Variants in LRFN5 observed in about 807,000 individuals in gnomAD.
The protein encoded by LRFN5 is leucine-rich repeat and fibronectin type-III domain-containing protein 5.
LRFN5 carries 24 observed loss-of-function variants against 45.6 expected under a neutral mutation model. The observed-to-expected ratio is 0.53, with a 90% CI of 0.38 to 0.74. The LOEUF is 0.74. LRFN5 is among the 30% of genes least tolerant of loss of function. LRFN5 has a pLI of 0.00. For missense variants in LRFN5, 776 were observed against 861.5 expected (o/e 0.90, Z 1.24); for synonymous variants, 340 against 313.8 (o/e 1.08, Z -0.88).
chr14:41,645,981 TATTTC>T (rs1206482143), intron 1 of LRFN5, among the ~76,000 whole-genome samples: 1 of 152,202 alleles, frequency 6.6e-6, no homozygotes, highest in Admixed American at 6.5e-5. Flanking sequence ...TATTTTATTT[TATTTC>T]ATGTTTTAGT....
At chr14:41,815,545 T>C (rs756417526) in intron 2 of LRFN5, among the ~76,000 whole-genome samples, 12 of 152,034 alleles carry the variant, frequency 7.9e-5, no homozygotes, top group Admixed American at 3.3e-4. Context: ...TGAGAGCGGT[T>C]GGGCAACATA....
intron 4 of LRFN5, chr14:41,893,350 C>A: frequency 1.1e-6 from 1 of 939,968 alleles, no homozygotes; most frequent in Non-Finnish European, 1.2e-6. Flanking sequence ...TGATGGTGTT[C>A]TATTAAAGAT....
chr14:41,654,354 T>C (rs927663057), intron 1 of LRFN5, among the ~76,000 whole-genome samples: 1 of 151,988 alleles, frequency 6.6e-6, no homozygotes, highest in African/African-American at 2.4e-5. Flanking sequence ...AGAGAAGAGT[T>C]CCAGGCAAGA....
At chr14:41,763,191 C>G (rs1885740965) in intron 1 of LRFN5, among the ~76,000 whole-genome samples, 1 of 152,110 alleles carries the variant, frequency 6.6e-6, no homozygotes, top group Admixed American at 6.5e-5. Context: ...TACATTGTAT[C>G]TTGAAATAAT....
intron 1 of LRFN5, among the ~76,000 whole-genome samples, chr14:41,743,750 T>C (rs972483359): frequency 2.0e-5 from 3 of 152,224 alleles, no homozygotes; most frequent in Non-Finnish European, 4.4e-5. Flanking sequence ...ATTGGCTCTC[T>C]GTACAGTGTA....
rs762030966 is a variant in LRFN5, at chr14:41,891,411, G to A, written c.1547G>A (p.Arg516His). The A allele has an allele frequency of 8.7e-6, 14 of 1,614,050 alleles. No individual in the cohort carries two copies. Among genetic ancestry groups the A allele is most frequent in the East Asian group, 2.2e-5 (1 of 44,858 alleles). ...IQFTTEQDYV[R>H]CHFMQSQFLG... is the part of the protein sequence containing the mutation. ...TTTACTACGGAACAGGATTATGTGC[G>A]TTGCCATTTCATGCAGTCTCAGTTT... Residue 516 changes from arginine (R) to histidine (H), a missense_variant, in exon 4 of 6, where the codon CGT (arginine) becomes CAT (histidine). Coordinates refer to ENST00000298119, the MANE Select transcript of LRFN5 (RefSeq NM_152447.5).
At chr14:41,815,868 A>G (rs962657585) in intron 2 of LRFN5, among the ~76,000 whole-genome samples, 17 of 152,298 alleles carry the variant, frequency 1.1e-4, no homozygotes, top group African/African-American at 3.8e-4. Context: ...TCTAATGGTT[A>G]CATGTAGATC....
At chr14:41,780,224 T>C (rs1042132185) in intron 2 of LRFN5, among the ~76,000 whole-genome samples, 8 of 152,002 alleles carry the variant, frequency 5.3e-5, no homozygotes, top group Non-Finnish European at 1.0e-4. Context: ...AATGTTTTGA[T>C]ATTTTCAAGC....
At chr14:41,800,178 T>C (rs1887277022) in intron 2 of LRFN5, among the ~76,000 whole-genome samples, 1 of 152,102 alleles carries the variant, frequency 6.6e-6, no homozygotes, top group Non-Finnish European at 1.5e-5. Context: ...TCACATCCTA[T>C]AATTATTTGT....
intron 1 of LRFN5, among the ~76,000 whole-genome samples, chr14:41,675,540 C>G (rs910089224): frequency 2.6e-5 from 4 of 152,030 alleles, no homozygotes; most frequent in Non-Finnish European, 4.4e-5. Flanking sequence ...TGCAGTGAGC[C>G]GAGATGGCAG....
At chr14:41,790,593 G>A (rs77325531) in intron 2 of LRFN5, among the ~76,000 whole-genome samples, 5 of 148,446 alleles carry the variant, frequency 3.4e-5, no homozygotes, top group African/African-American at 1.2e-4. Flanking sequence ...TTTTTTTAAG[G>A]GCTGATTTAG....
chr14:41,693,100 A>G (rs1349962467), intron 1 of LRFN5, among the ~76,000 whole-genome samples: 1 of 152,068 alleles, frequency 6.6e-6, no homozygotes, highest in Non-Finnish European at 1.5e-5. Flanking sequence ...GAATTTTTAT[A>G]TTCTTATTCA....
intron 2 of LRFN5, among the ~76,000 whole-genome samples, chr14:41,854,893 TA>T (rs1889399375): frequency 6.6e-6 from 1 of 152,204 alleles, no homozygotes; most frequent in South Asian, 2.1e-4. Context: ...AAAAGCTTCA[TA>T]AATAGTATGC....
intron 2 of LRFN5, among the ~76,000 whole-genome samples, chr14:41,782,479 T>A (rs555061748): frequency 6.6e-6 from 1 of 152,304 alleles, no homozygotes; most frequent in South Asian, 2.1e-4. Flanking sequence ...CATAGTTATT[T>A]TAAATTCCCT....
Position 41,797,789 on chromosome 14 carries a change from A to T in LRFN5, c.-21+30760A>T, listed in dbSNP as rs138608351. On this transcript the variant is annotated intron_variant, in intron 2 of 5. Coordinates refer to ENST00000298119, the MANE Select transcript of LRFN5 (RefSeq NM_152447.5). ...AGTGATATTCATTTGTTCCATTCAGACTATTTCTTGATTTTAGTTTTTAAG... is the reference window on the plus strand; with the variant it reads ...AGTGATATTCATTTGTTCCATTCAGTCTATTTCTTGATTTTAGTTTTTAAG... 3.8e-3 allele frequency among the ~76,000 whole-genome samples: 579 copies of T among 151,906 alleles called. 1 individual carries two copies. The highest frequency in any genetic ancestry group is 0.02 in the Middle Eastern group (6 of 294).
intron 1 of LRFN5, among the ~76,000 whole-genome samples, chr14:41,689,833 T>G (rs1277745107): frequency 7.0e-6 from 1 of 142,142 alleles, no homozygotes; most frequent in Non-Finnish European, 1.5e-5. Context: ...AGGCGGAGCT[T>G]GCAGTGAGCC....
chr14:41,814,506 A>G (rs886207573), intron 2 of LRFN5, among the ~76,000 whole-genome samples: 1 of 152,098 alleles, frequency 6.6e-6, no homozygotes, highest in Non-Finnish European at 1.5e-5. Context: ...TGACATAGAG[A>G]GTTTGAATTT....
chr14:41,700,934 A>C (rs1015019294), intron 1 of LRFN5: 4 of 152,090 alleles, frequency 2.6e-5, no homozygotes, highest in Non-Finnish European at 4.4e-5. Flanking sequence ...GTAGGCATAC[A>C]TACCAAGAGC....
At chr14:41,889,545 T>C (rs1161918894) in intron 3 of LRFN5, among the ~76,000 whole-genome samples, 1 of 152,200 alleles carries the variant, frequency 6.6e-6, no homozygotes, top group Non-Finnish European at 1.5e-5. Context: ...CTATATATTT[T>C]AAACATTAGC....
Sources: gnomAD v4.1 joint callset for allele counts (sites outside exome capture counted in the v4.1 genomes callset) on GRCh38, gnomAD v4.1.1 for gene constraint, MANE v1.5 for transcripts, NCBI Gene and HGNC (gene_info 2026-07-23, HGNC 2026-07-21) for gene names.